The following ZNF134 variants were observed in gnomAD, a reference collection of about 807,000 sequenced individuals.
ZNF134 encodes the protein zinc finger protein 134 (clone pHZ-15).
ZNF134 carries 5 observed loss-of-function variants against 2.5 expected under a neutral mutation model. That is an observed-to-expected ratio of 2.03 (90% CI 1.06 to 4.27). ZNF134 has a LOEUF of 4.27. Ranked by LOEUF, ZNF134 falls within the 30% of genes most tolerant of loss-of-function variation. The probability of loss-of-function intolerance (pLI) is 0.00; values close to 1 mark genes in which losing one functional copy is unlikely to be tolerated. For missense variants in ZNF134, 540 were observed against 517.5 expected (o/e 1.04, Z -0.42); for synonymous variants, 176 against 176.2 (o/e 1.00, Z 0.01).
chr19:57,623,254 T>C lies in ZNF134; in HGVS notation c.*1851T>C, dbSNP rs1206543216. 2 of 152,204 alleles carry C rather than the reference T, an allele frequency of 1.3e-5. No homozygotes were observed. The highest frequency in any genetic ancestry group is 2.9e-5 in the Non-Finnish European group (2 of 68,036). 9.4% of individuals were successfully genotyped at this position (152,204 alleles called of 1,614,324 possible). A position where few individuals can be genotyped will look rare whatever the true frequency, so the allele number is the denominator to read the frequency against. Reference sequence around the variant, plus strand: ...TATGTATGAACAGTCCATTTTAAAATTACTGAGTCATATTCTGTATGGATA... The same window carrying C: ...TATGTATGAACAGTCCATTTTAAAACTACTGAGTCATATTCTGTATGGATA... On this transcript the variant is annotated 3_prime_UTR_variant, in exon 3 of 3. Transcript: ENST00000396161.
In ZNF134 at chr19:57,623,754, TTAAAC is replaced by T. The variant is rs1421294233; in HGVS notation, c.*2354_*2358del. On this transcript the variant is annotated 3_prime_UTR_variant, in exon 3 of 3. Transcript: ENST00000396161. ...TCAATACAAACAATTTATAAGAAGT[TTAAAC>T]TATCACTCATCTCAGCAAAAGCCAA... 3 of 152,140 alleles carry T rather than the reference TTAAAC, an allele frequency of 2.0e-5. No individual in the cohort carries two copies. Among genetic ancestry groups the T allele is most frequent in the African/African-American group, 7.2e-5 (3 of 41,400 alleles). 9.4% of individuals were successfully genotyped at this position (152,140 alleles called of 1,614,324 possible). A position where few individuals can be genotyped will look rare whatever the true frequency, so the allele number is the denominator to read the frequency against.
intron 1 of ZNF134, among the ~76,000 whole-genome samples, chr19:57,615,184 A>T (rs1295072794): frequency 6.6e-6 from 1 of 151,978 alleles, no homozygotes; most frequent in African/African-American, 2.4e-5. Context: ...TGGGTTTTGG[A>T]CTTGGTGAAT....
At position 57,621,596 on chromosome 19, in the gene ZNF134, T is replaced by A; in HGVS notation, c.*193T>A. The A allele has an allele frequency of 1.1e-6, 1 of 873,458 alleles. No homozygotes were observed. The highest frequency in any genetic ancestry group is 1.7e-5 in the Admixed American group (1 of 58,890). The allele number at this position is 873,458 out of a possible 1,614,324, so 54.1% of individuals were successfully genotyped here. On this transcript the variant is annotated 3_prime_UTR_variant, in exon 3 of 3. Transcript: ENST00000396161. ...TCCATGTGGCCGAAACCATCTTAAC[T>A]CTACCAGCTAAGATACCCCAGCATT...
rs527543951 is a variant in ZNF134 at position 57,621,498 on chromosome 19, G to A, written c.*95G>A. 1.7e-5 allele frequency: 27 copies of A among 1,572,798 alleles called. No individual in the cohort carries two copies. Among genetic ancestry groups the A allele is most frequent in the South Asian group, 5.5e-5 (5 of 90,160 alleles). On this transcript the variant is annotated 3_prime_UTR_variant, in exon 3 of 3. Coordinates refer to ENST00000396161, the MANE Select transcript of ZNF134 (RefSeq NM_003435.5). ...GGAGATACCTTATGGTGCCAGGTAC[G>A]TGGGAACCTTCTAGGGATATGTTGC...
In ZNF134 at chr19:57,620,876, A is replaced by G; in HGVS notation, c.757A>G (p.Ile253Val). The change falls in exon 3 of 3, where the codon ATC (isoleucine) becomes GTC (valine). Residue 253 changes from isoleucine to valine, a missense_variant. By Grantham distance (29) the Ile-to-Val change is conservative. Transcript: ENST00000396161. The stretch of plus-strand genomic sequence containing the variant: ...AGACAACCTTACTCAGCACAAGAGA[A>G]TCCACACTGGAGAAATGCCTTATAA... ...RKDNLTQHKR[I>V]HTGEMPYKCN... The G allele has an allele frequency of 6.2e-7, 1 of 1,614,234 alleles. No individual in the cohort carries two copies. Among genetic ancestry groups the G allele is most frequent in the Non-Finnish European group, 8.5e-7 (1 of 1,180,036 alleles).
At position 57,620,875 on chromosome 19, in the gene ZNF134, A is replaced by G. The variant is rs1350034554; in HGVS notation, c.756A>G (p.Arg252=). The change falls in exon 3 of 3, where the codon AGA becomes AGG. Residue 252 remains arginine, a synonymous_variant. Coordinates refer to ENST00000396161, the MANE Select transcript of ZNF134 (RefSeq NM_003435.5). ...SRKDNLTQHK[R]IHTGEMPYKC... Reference sequence around the variant, plus strand: ...AAGACAACCTTACTCAGCACAAGAGAATCCACACTGGAGAAATGCCTTATA... The same window carrying G: ...AAGACAACCTTACTCAGCACAAGAGGATCCACACTGGAGAAATGCCTTATA... 1 of 1,614,064 alleles carries G rather than the reference A, an allele frequency of 6.2e-7. No individual in the cohort carries two copies. Among genetic ancestry groups the G allele is most frequent in the African/African-American group, 1.3e-5 (1 of 74,918 alleles).
rs1981307249 is a variant in ZNF134, at chr19:57,624,004, T to C, written c.*2601T>C. 6.6e-6 allele frequency: 1 copy of C among 152,272 alleles called. No individual in the cohort carries two copies. The highest frequency in any genetic ancestry group is 1.5e-5 in the Non-Finnish European group (1 of 68,092). The allele number at this position is 152,272 out of a possible 1,614,324, so 9.4% of individuals were successfully genotyped here. A position where few individuals can be genotyped will look rare whatever the true frequency, so the allele number is the denominator to read the frequency against. ...GGTTGTAATATTCTATACATGGGAC[T>C]GGCTGCGGAAACAGGTGCAAGCCCT... On this transcript the variant is annotated 3_prime_UTR_variant, in exon 3 of 3. Transcript: ENST00000396161.
In ZNF134 at chr19:57,621,709, G is replaced by A; in HGVS notation, c.*306G>A. 2.0e-6 allele frequency: 1 copy of A among 495,682 alleles called. No homozygotes were observed. The highest frequency in any genetic ancestry group is 2.8e-5 in the Admixed American group (1 of 35,236). The allele number at this position is 495,682 out of a possible 1,614,324, so 30.7% of individuals were successfully genotyped here. ...TGGGGGTCCTCATTCCCTTCTGTAT[G>A]ACAGGTATAGGTATGGATATGACCC... On this transcript the variant is annotated 3_prime_UTR_variant, in exon 3 of 3. Transcript: ENST00000396161.
rs1371541969 is a variant in ZNF134 at position 57,623,411 on chromosome 19, G to A, written c.*2008G>A. On this transcript the variant is annotated 3_prime_UTR_variant, in exon 3 of 3. Transcript: ENST00000396161. ...TTAGCTGAGAACATTTTTAAGCAGA[G>A]GTTTTGAAGGTGTGACCATATATCT... 2 of 152,100 alleles carry A rather than the reference G, an allele frequency of 1.3e-5. No individual in the cohort carries two copies. Among genetic ancestry groups the A allele is most frequent in the Non-Finnish European group, 2.9e-5 (2 of 68,024 alleles). 9.4% of individuals were successfully genotyped at this position (152,100 alleles called of 1,614,324 possible). A position where few individuals can be genotyped will look rare whatever the true frequency, so the allele number is the denominator to read the frequency against.
In ZNF134 at chr19:57,620,741, G is replaced by GA; in HGVS notation, c.624dup (p.Cys209MetfsTer25). The GA allele has an allele frequency of 6.2e-7, 1 of 1,612,106 alleles. No individual in the cohort carries two copies. Among genetic ancestry groups the GA allele is most frequent in the Non-Finnish European group, 8.5e-7 (1 of 1,178,158 alleles). ...TGGAGAGAAGCCTTATGAGTGCAGCGAATGTGGGAAAGCCTTCAGCCGCAA... is the reference window on the plus strand; with the variant it reads ...TGGAGAGAAGCCTTATGAGTGCAGCGAAATGTGGGAAAGCCTTCAGCCGCAA... On this transcript the variant is annotated frameshift_variant, in exon 3 of 3. Coordinates refer to ENST00000396161, the MANE Select transcript of ZNF134 (RefSeq NM_003435.5). LOFTEE classifies it low-confidence loss of function (END_TRUNC).
intron 2 of ZNF134, among the ~76,000 whole-genome samples, 171 bp from the exon 3 acceptor site, chr19:57,619,989 G>C (rs1238709815): frequency 2.0e-5 from 3 of 152,126 alleles, no homozygotes; most frequent in Non-Finnish European, 4.4e-5. Flanking sequence ...TCCATTCTGT[G>C]ACTCTTAGAT....
At position 57,622,963 on chromosome 19, in the gene ZNF134, A is replaced by G. The variant is rs1485177794; in HGVS notation, c.*1560A>G. ...GTGTACGAGTTAAGTCTTGATACAC[A>G]CACACACACACACACACACACACAC... On this transcript the variant is annotated 3_prime_UTR_variant, in exon 3 of 3. Coordinates refer to ENST00000396161, the MANE Select transcript of ZNF134 (RefSeq NM_003435.5). The G allele has an allele frequency of 1.4e-5, 1 of 70,132 alleles. No individual in the cohort carries two copies. Among genetic ancestry groups the G allele is most frequent in the East Asian group, 5.0e-4 (1 of 2,018 alleles). The allele number at this position is 70,132 out of a possible 1,614,324, so 4.3% of individuals were successfully genotyped here.
Position 57,621,390 on chromosome 19 carries a change from C to T in ZNF134, c.1271C>T (p.Ala424Val). 1.9e-6 allele frequency: 3 copies of T among 1,613,504 alleles called. No individual in the cohort carries two copies. Among genetic ancestry groups the T allele is most frequent in the Non-Finnish European group, 2.5e-6 (3 of 1,180,004 alleles). Residue 424 changes from alanine (A) to valine (V), a missense_variant, in exon 3 of 3, where the codon GCA (alanine) becomes GTA (valine). Ala to Val is a moderately conservative substitution (Grantham distance 64). Transcript: ENST00000396161. The stretch of plus-strand genomic sequence containing the variant: ...AATCGGCACCAGAAAGTTCACACTG[C>T]AGGCAGGCTTTAGGAGTGCTTTGAA... Reference protein sequence around the residue: ...HLNRHQKVHTAGRL With the variant: ...HLNRHQKVHTVGRL
At chr19:57,617,798 A>T (rs1358167042) in intron 1 of ZNF134, among the ~76,000 whole-genome samples, 1 of 152,160 alleles carries the variant, frequency 6.6e-6, no homozygotes, top group African/African-American at 2.4e-5. Flanking sequence ...GCCATCTTAG[A>T]GTCTAGAAGA....
Position 57,619,442 on chromosome 19 carries a change from G to T in ZNF134, c.-27G>T. 1 of 1,596,566 alleles carries T rather than the reference G, an allele frequency of 6.3e-7. No homozygotes were observed. Among genetic ancestry groups the T allele is most frequent in the Non-Finnish European group, 8.5e-7 (1 of 1,171,336 alleles). On this transcript the variant is annotated 5_prime_UTR_variant, in exon 2 of 3. Transcript: ENST00000396161. The stretch of plus-strand genomic sequence containing the variant: ...CTGTGGTTGTTGAATTGTAACAAGA[G>T]AGAGAACTCTGGCTGCCTGAGAGGG...
intron 1 of ZNF134, among the ~76,000 whole-genome samples, chr19:57,615,724 CA>C (rs1246600182): frequency 6.6e-6 from 1 of 152,046 alleles, no homozygotes; most frequent in Admixed American, 6.6e-5. Flanking sequence ...GAGTATTTTC[CA>C]AATAAGGAAG....
intron 1 of ZNF134, 65 bp from the exon 2 acceptor site, chr19:57,619,347 G>A (rs1462429728): frequency 3.2e-6 from 4 of 1,267,488 alleles, no homozygotes; most frequent in Non-Finnish European, 4.5e-6. Context: ...ATTTTGCATG[G>A]GTGGGCTACT....
chr19:57,621,172 A>G lies in ZNF134; in HGVS notation c.1053A>G (p.Lys351=), dbSNP rs1364781355. The change falls in exon 3 of 3, where the codon AAA becomes AAG. Residue 351 remains lysine, a synonymous_variant. Transcript: ENST00000396161. ...CGTTTGAGTGCATTGAATGCGGGAA[A>G]TTCTTTAGTCGAAGTTCTGACTATA... is the stretch of plus-strand genomic sequence containing the variant. The part of the protein sequence containing the change: ...SKPFECIECG[K]FFSRSSDYIA... 1.9e-6 allele frequency: 3 copies of G among 1,614,108 alleles called. No homozygotes were observed. The highest frequency in any genetic ancestry group is 2.5e-6 in the Non-Finnish European group (3 of 1,180,044).
chr19:57,622,723 T>G lies in ZNF134; in HGVS notation c.*1320T>G, dbSNP rs1285380573. The G allele has an allele frequency of 6.6e-6, 1 of 152,136 alleles. No individual in the cohort carries two copies. Among genetic ancestry groups the G allele is most frequent in the Non-Finnish European group, 1.5e-5 (1 of 68,034 alleles). 9.4% of individuals were successfully genotyped at this position (152,136 alleles called of 1,614,324 possible). Reference sequence around the variant, plus strand: ...CTGGTGACTCTTTTGGCAATGGTCCTCATTGTTTGCCAGTTTTTCTTACTA... The same window carrying G: ...CTGGTGACTCTTTTGGCAATGGTCCGCATTGTTTGCCAGTTTTTCTTACTA... On this transcript the variant is annotated 3_prime_UTR_variant, in exon 3 of 3. Coordinates refer to ENST00000396161, the MANE Select transcript of ZNF134 (RefSeq NM_003435.5).
Sources: allele counts gnomAD v4.1 joint callset (sites outside exome capture counted in the v4.1 genomes callset), GRCh38; gene constraint gnomAD v4.1.1; transcripts MANE v1.5; gene names NCBI Gene and HGNC (gene_info 2026-07-23, HGNC 2026-07-21).